PRKAR1A: variants seen among roughly 807,000 people sequenced by gnomAD.
The protein encoded by PRKAR1A is cAMP-dependent protein kinase type I-alpha regulatory subunit.
In PRKAR1A, 3 loss-of-function variants were observed where a neutral mutation model predicts 52.0. That is an observed-to-expected ratio of 0.06 (90% CI 0.03 to 0.15). The LOEUF (loss-of-function observed/expected upper bound fraction) is 0.15, where lower values mean the gene tolerates loss of function less well. PRKAR1A is among the 10% of genes least tolerant of loss of function. PRKAR1A has a pLI of 1.00. For missense variants in PRKAR1A, 240 were observed against 477.4 expected (o/e 0.50, Z 4.63); for synonymous variants, 188 against 168.4 (o/e 1.12, Z -0.90).
chr17:68,426,218 G>T, the PRKAR1A span: 2 of 1,227,856 alleles, frequency 1.6e-6, no homozygotes, highest in Non-Finnish European at 2.3e-6. Context: ...CTGGGGATCT[G>T]CTTTTATGCC....
At chr17:68,415,876 T>C in the PRKAR1A span, among the ~76,000 whole-genome samples, 1 of 152,234 alleles carries the variant, frequency 6.6e-6, no homozygotes, top group African/African-American at 2.4e-5. Flanking sequence ...AATATCTTTT[T>C]CTACCCCTTT....
At chr17:68,537,608 C>A, downstream of PRKAR1A, 2 of 1,613,730 alleles carry the variant, frequency 1.2e-6, no homozygotes, top group Non-Finnish European at 1.7e-6. The surrounding 1 kb of genome is among the most constrained non-coding windows in gnomAD (Gnocchi z 4.2). Context: ...AGCCTTCGAT[C>A]CAGGGCAAGG....
the PRKAR1A span, chr17:68,424,648 AGT>A: frequency 5.2e-6 from 2 of 385,786 alleles, no homozygotes; most frequent in Non-Finnish European, 5.2e-6. Context: ...GGCCGAGACG[AGT>A]GGATCACTTG....
chr17:68,537,801 ACTT>A, downstream of PRKAR1A: 1 of 1,546,840 alleles, frequency 6.5e-7, no homozygotes, highest in African/African-American at 1.4e-5. The surrounding 1 kb of genome is among the most constrained non-coding windows in gnomAD (Gnocchi z 4.2). Context: ...ACTTGCCTGA[ACTT>A]CTTTCCCCAC....
chr17:68,443,346 C>G, the PRKAR1A span, among the ~76,000 whole-genome samples: 1 of 152,198 alleles, frequency 6.6e-6, no homozygotes, highest in Non-Finnish European at 1.5e-5. Context: ...CTCCTAACCT[C>G]AGGTGATCCA....
the PRKAR1A span, among the ~76,000 whole-genome samples, chr17:68,469,121 TGAGA>T: frequency 1.3e-5 from 2 of 152,256 alleles, no homozygotes. Context: ...CAGGGAAAAT[TGAGA>T]GAGTCATTTT....
At chr17:68,430,256 G>T in the PRKAR1A span, 1 of 1,255,374 alleles carries the variant, frequency 8.0e-7, no homozygotes, top group Non-Finnish European at 1.1e-6. Context: ...CACACTCCCC[G>T]CAGCAGGGAG....
the PRKAR1A span, among the ~76,000 whole-genome samples, chr17:68,466,584 A>G: frequency 6.6e-6 from 1 of 150,856 alleles, no homozygotes; most frequent in Non-Finnish European, 1.5e-5. Context: ...GCTCATTTCT[A>G]TATTTTTAGT....
chr17:68,452,675 C>T, the PRKAR1A span, among the ~76,000 whole-genome samples: 1 of 152,302 alleles, frequency 6.6e-6, no homozygotes, highest in African/African-American at 2.4e-5. Flanking sequence ...TGATTTCACA[C>T]AAATAATTTC....
rs199801675 is a variant in PRKAR1A at position 68,524,954 on chromosome 17, C to T, written c.545C>T (p.Thr182Met). The T allele has an allele frequency of 1.2e-5, 20 of 1,607,578 alleles. No homozygotes were observed. Among genetic ancestry groups the T allele is most frequent in the East Asian group, 2.2e-5 (1 of 44,800 alleles). Reference protein sequence around the residue: ...DNFYVIDQGETDVYVNNEWAT... With the variant: ...DNFYVIDQGEMDVYVNNEWAT... ...TTCTATGTGATTGATCAAGGAGAGACGGATGTAAGATTTACCAATATCAAA... is the reference window on the plus strand; with the variant it reads ...TTCTATGTGATTGATCAAGGAGAGATGGATGTAAGATTTACCAATATCAAA... Residue 182 changes from threonine to methionine, a missense_variant, in exon 6 of 11, where the codon ACG (threonine) becomes ATG (methionine). Thr to Met is a moderately conservative substitution (Grantham distance 81). Coordinates refer to ENST00000589228, the MANE Select transcript of PRKAR1A (RefSeq NM_002734.5).
chr17:68,460,027 G>A, the PRKAR1A span, among the ~76,000 whole-genome samples: 2 of 151,986 alleles, frequency 1.3e-5, no homozygotes, highest in African/African-American at 4.8e-5. Flanking sequence ...CACCATGTTG[G>A]TCAGGCTGGT....
the PRKAR1A span, among the ~76,000 whole-genome samples, chr17:68,466,775 A>C: frequency 6.6e-6 from 1 of 151,900 alleles, no homozygotes; most frequent in East Asian, 1.9e-4. Context: ...TTGAAGTGAA[A>C]TTTACATACA....
intron 7 of PRKAR1A, 54 bp downstream of exon 7, chr17:68,525,966 A>G: frequency 1.3e-6 from 2 of 1,578,250 alleles, no homozygotes; most frequent in Non-Finnish European, 1.7e-6. Context: ...CTACGTAACT[A>G]ATGTTTGAAT....
At chr17:68,539,907 T>C in intron 11 of PRKAR1A, 1 of 1,614,132 alleles carries the variant, frequency 6.2e-7, no homozygotes, top group Non-Finnish European at 8.5e-7. Flanking sequence ...TCAAGGTGAA[T>C]AAGGAACCCA....
the PRKAR1A span, chr17:68,453,142 A>G: frequency 3.5e-6 from 2 of 571,522 alleles, no homozygotes; most frequent in African/African-American, 1.9e-5. Context: ...CTAAATGGTG[A>G]CGCATGTCTT....
At chr17:68,508,844 C>G (rs1017453825), upstream of PRKAR1A, among the ~76,000 whole-genome samples, 1 of 152,086 alleles carries the variant, frequency 6.6e-6, no homozygotes, top group African/African-American at 2.4e-5. Context: ...TTTAAATGAG[C>G]ATTTGCCAGT....
chr17:68,452,832 G>A, the PRKAR1A span: 1 of 1,328,966 alleles, frequency 7.5e-7, no homozygotes, highest in Non-Finnish European at 1.1e-6. Context: ...AGGCAGCTTG[G>A]TAGCACCGCA....
At chr17:68,428,810 T>G in the PRKAR1A span, 5 of 1,595,224 alleles carry the variant, frequency 3.1e-6, no homozygotes, top group Non-Finnish European at 4.3e-6. Context: ...GGCTGTCTTT[T>G]GAAAAGCAGT....
chr17:68,513,376 C>G (rs1172409106), intron 1 of PRKAR1A: 3 of 152,294 alleles, frequency 2.0e-5, no homozygotes, highest in Admixed American at 1.3e-4. Context: ...AAAGCAAACA[C>G]TTACTCAAGA....
Sources: allele counts gnomAD v4.1 joint callset (sites outside exome capture counted in the v4.1 genomes callset), GRCh38; gene constraint gnomAD v4.1.1; non-coding constraint Gnocchi (gnomAD v3.1); transcripts MANE v1.5; gene names NCBI Gene and HGNC (gene_info 2026-07-23, HGNC 2026-07-21).